Variants in SPOCK1 observed in about 807,000 individuals in gnomAD.
SPOCK1 encodes SPARC (osteonectin), cwcv and kazal like domains proteoglycan 1, also known as testican-1.
In SPOCK1, 23 loss-of-function variants were observed where a neutral mutation model predicts 55.3. The ratio of observed to expected loss-of-function variants is 0.42; its 90% CI spans 0.30 to 0.59. The LOEUF is 0.59. SPOCK1 is among the 20% of genes least tolerant of loss of function. The pLI, the probability that SPOCK1 is intolerant of heterozygous loss-of-function variation, is 0.22. For missense variants in SPOCK1, 499 were observed against 552.5 expected, an observed-to-expected ratio of 0.90 and a Z score of 0.97; for synonymous variants, 226 against 221.0, an observed-to-expected ratio of 1.02 and a Z score of -0.20.
chr5:137,306,382 C>T (rs951988801), intron 2 of SPOCK1, among the ~76,000 whole-genome samples: 3 of 152,180 alleles, frequency 2.0e-5, no homozygotes, highest in African/African-American at 7.2e-5. Context: ...TGCTTTGTTC[C>T]TCTATCTCTG....
intron 6 of SPOCK1, among the ~76,000 whole-genome samples, chr5:137,038,158 G>C (rs948597135): frequency 2.0e-5 from 3 of 152,172 alleles, no homozygotes. Flanking sequence ...CTGACATAGA[G>C]GGCAAGACAG....
At chr5:137,073,464 T>C (rs973310457) in intron 5 of SPOCK1, among the ~76,000 whole-genome samples, 17 of 151,980 alleles carry the variant, frequency 1.1e-4, no homozygotes, top group African/African-American at 4.1e-4. Context: ...TGAGAAACAG[T>C]GAGGAAGCTA....
intron 2 of SPOCK1, among the ~76,000 whole-genome samples, chr5:137,366,755 G>A (rs558475099): frequency 1.4e-4 from 21 of 152,316 alleles, no homozygotes; most frequent in Admixed American, 3.9e-4. Flanking sequence ...AAACAGATGC[G>A]GCAAGGGAGT....
At chr5:137,466,876 C>A (rs924452335) in intron 2 of SPOCK1, among the ~76,000 whole-genome samples, 1 of 152,228 alleles carries the variant, frequency 6.6e-6, no homozygotes, top group Admixed American at 6.5e-5. Context: ...AATATGAGCA[C>A]AGTTTTGCTC....
At chr5:137,322,694 C>G (rs1408611984) in intron 2 of SPOCK1, among the ~76,000 whole-genome samples, 1 of 148,918 alleles carries the variant, frequency 6.7e-6, no homozygotes, top group Non-Finnish European at 1.5e-5. Context: ...AGAAAGGAAT[C>G]AAAGCATATC....
chr5:137,079,807 G>A (rs1034757164), intron 5 of SPOCK1, among the ~76,000 whole-genome samples: 1 of 151,804 alleles, frequency 6.6e-6, no homozygotes, highest in Non-Finnish European at 1.5e-5. Flanking sequence ...CCACCCAGGC[G>A]TGTCCTCCTC....
At chr5:137,029,814 G>A (rs1355490783) in intron 6 of SPOCK1, among the ~76,000 whole-genome samples, 1 of 152,228 alleles carries the variant, frequency 6.6e-6, no homozygotes, top group Non-Finnish European at 1.5e-5. Flanking sequence ...GGGTAACATA[G>A]TGAGATCCCT....
intron 4 of SPOCK1, among the ~76,000 whole-genome samples, chr5:137,132,174 CAAA>C (rs762937224): frequency 5.1e-5 from 3 of 59,214 alleles, no homozygotes; most frequent in African/African-American, 7.1e-5. Context: ...GACTCTGTCT[CAAA>C]AAAAAAAAAA....
intron 3 of SPOCK1, among the ~76,000 whole-genome samples, chr5:137,194,354 A>C (rs1354048402): frequency 6.6e-6 from 1 of 152,206 alleles, no homozygotes; most frequent in Non-Finnish European, 1.5e-5. Flanking sequence ...GGCATTAGTC[A>C]AAGAAGTGAA....
In SPOCK1 at chr5:136,985,131, T is replaced by C. The variant is rs772120959; in HGVS notation, c.991+9A>G. The C allele has an allele frequency of 1.4e-5, 22 of 1,613,938 alleles. No homozygotes were observed. The South Asian group carries it at 2.4e-4, about 18-fold the overall frequency. ...GTTGTTTAAATGAGTGGCAAGAAATTGTACTTACCCAACAGGCTTTTCCCC... is the reference window on the plus strand; with the variant it reads ...GTTGTTTAAATGAGTGGCAAGAAATCGTACTTACCCAACAGGCTTTTCCCC... On this transcript the variant is annotated intron_variant, in intron 9 of 10. Coordinates refer to ENST00000394945, the MANE Select transcript of SPOCK1 (RefSeq NM_004598.4).
chr5:137,465,333 A>C (rs922779621), intron 2 of SPOCK1, among the ~76,000 whole-genome samples: 10 of 152,226 alleles, frequency 6.6e-5, no homozygotes, highest in Non-Finnish European at 1.3e-4. Flanking sequence ...ACAGCTTTAA[A>C]AAAATTAAAA....
chr5:137,462,673 T>C (rs1325728935), intron 2 of SPOCK1, among the ~76,000 whole-genome samples: 2 of 152,354 alleles, frequency 1.3e-5, no homozygotes, highest in East Asian at 3.9e-4. Context: ...GAATGGTGTC[T>C]AGCATATTAA....
chr5:137,361,314 A>G (rs78527525), intron 2 of SPOCK1, among the ~76,000 whole-genome samples: 2 of 152,216 alleles, frequency 1.3e-5, no homozygotes, highest in Non-Finnish European at 2.9e-5. Context: ...ATGATTAATT[A>G]TCTCTCTATA....
chr5:137,040,045 C>T (rs1227523911), intron 6 of SPOCK1, among the ~76,000 whole-genome samples: 1 of 152,244 alleles, frequency 6.6e-6, no homozygotes, highest in African/African-American at 2.4e-5. Flanking sequence ...CTGTCATGCA[C>T]AGCCAGATTT....
intron 2 of SPOCK1, among the ~76,000 whole-genome samples, chr5:137,292,941 AT>A (rs1757401959): frequency 6.6e-6 from 1 of 152,084 alleles, no homozygotes; most frequent in African/African-American, 2.4e-5. Flanking sequence ...GTAAGAAATA[AT>A]TTCATTTTAA....
In SPOCK1 at chr5:137,262,004, C is replaced by T. The variant is rs370808387; in HGVS notation, c.232+5006G>A. The stretch of plus-strand genomic sequence containing the variant: ...TTATATACATAAATTACCTTCCAAA[C>T]CCTCCAGTGCACAAAAAATCCTTTT... On this transcript the variant is annotated intron_variant, in intron 3 of 10. Transcript: ENST00000394945. Among the ~76,000 whole-genome samples the T allele has an allele frequency of 2.0e-5, 3 of 152,140 alleles. No individual in the cohort carries two copies. In the East Asian group the frequency reaches 5.8e-4, roughly 29 times the overall value.
chr5:137,118,714 G>A (rs1467178455), intron 4 of SPOCK1, among the ~76,000 whole-genome samples: 3 of 152,274 alleles, frequency 2.0e-5, no homozygotes, highest in Middle Eastern at 3.4e-3. Context: ...TTTAATAATG[G>A]GGAAAGTAGC....
Position 137,120,368 on chromosome 5 carries a change from T to C in SPOCK1, c.348-7807A>G, listed in dbSNP as rs1012862186. Reference sequence around the variant, plus strand: ...CATAATCAGGCCCACCAGAAGGATATGTGTCTGGTATGCATGCAATTCCAA... The same window carrying C: ...CATAATCAGGCCCACCAGAAGGATACGTGTCTGGTATGCATGCAATTCCAA... On this transcript the variant is annotated intron_variant, in intron 4 of 10. Transcript: ENST00000394945. Among the ~76,000 whole-genome samples the C allele has an allele frequency of 3.3e-5, 5 of 152,170 alleles. 1 individual carries two copies. Among genetic ancestry groups the C allele is most frequent in the South Asian group, 2.1e-4 (1 of 4,830 alleles).
At chr5:137,295,454 C>CT (rs1266568236) in intron 2 of SPOCK1, among the ~76,000 whole-genome samples, 2 of 152,210 alleles carry the variant, frequency 1.3e-5, no homozygotes, top group East Asian at 3.9e-4. Flanking sequence ...TTCATCAAAA[C>CT]TGTTGGATCG....
Sources: gnomAD v4.1 joint callset for allele counts (sites outside exome capture counted in the v4.1 genomes callset) on GRCh38, gnomAD v4.1.1 for gene constraint, MANE v1.5 for transcripts, NCBI Gene and HGNC (gene_info 2026-07-23, HGNC 2026-07-21) for gene names.